LARS2: variants seen among roughly 807,000 people sequenced by gnomAD.
LARS2 encodes leucine--tRNA ligase, mitochondrial.
Under a neutral mutation model 116.6 loss-of-function variants are expected in LARS2, and 81 were observed. That is an observed-to-expected ratio of 0.69 (90% confidence interval 0.58 to 0.84). The LOEUF is 0.84. LARS2 is among the 40% of genes least tolerant of loss of function. LARS2 has a pLI of 0.00. For missense variants in LARS2, 968 were observed against 1,114.5 expected, an observed-to-expected ratio of 0.87 and a Z score of 1.87; for synonymous variants, 396 against 407.2, an observed-to-expected ratio of 0.97 and a Z score of 0.33.
chr3:45,416,680 C>T (rs1698427184), intron 4 of LARS2, among the ~76,000 whole-genome samples: 1 of 152,216 alleles, frequency 6.6e-6, no homozygotes, highest in Non-Finnish European at 1.5e-5. Flanking sequence ...GCTAGTGAGA[C>T]TGAAGAACTG....
chr3:45,544,893 C>T (rs887294956), intron 21 of LARS2, among the ~76,000 whole-genome samples: 2 of 152,116 alleles, frequency 1.3e-5, no homozygotes, highest in Admixed American at 6.5e-5. Context: ...CACAGAGACC[C>T]GGGCTGAGCC....
At chr3:45,433,840 C>T (rs549217745) in intron 6 of LARS2, among the ~76,000 whole-genome samples, 4 of 152,134 alleles carry the variant, frequency 2.6e-5, no homozygotes, top group East Asian at 1.9e-4. Context: ...ATTTCCCCTT[C>T]GTTTCTGAAG....
chr3:45,444,993 T>A (rs1241044943), intron 6 of LARS2, among the ~76,000 whole-genome samples: 1 of 152,290 alleles, frequency 6.6e-6, no homozygotes, highest in Admixed American at 6.5e-5. Flanking sequence ...GGGTAAAGAT[T>A]TTTTAAAAAT....
At chr3:45,494,823 T>C (rs2125735477) in intron 13 of LARS2, among the ~76,000 whole-genome samples, 1 of 152,332 alleles carries the variant, frequency 6.6e-6, no homozygotes, top group East Asian at 1.9e-4. Context: ...ATCCCAGCAC[T>C]TTGGGAGGCT....
At chr3:45,545,267 A>G (rs1217904231) in intron 21 of LARS2, among the ~76,000 whole-genome samples, 1 of 152,216 alleles carries the variant, frequency 6.6e-6, no homozygotes, top group Non-Finnish European at 1.5e-5. Flanking sequence ...TACCCTCATG[A>G]TGGGGACAGG....
chr3:45,397,298 A>G (rs1404231818), intron 3 of LARS2, among the ~76,000 whole-genome samples: 6 of 152,218 alleles, frequency 3.9e-5, no homozygotes, highest in Admixed American at 1.3e-4. Flanking sequence ...TCATTGTCAC[A>G]GAGGAAAATG....
At chr3:45,460,821 G>A (rs1699310001) in intron 8 of LARS2, among the ~76,000 whole-genome samples, 2 of 152,068 alleles carry the variant, frequency 1.3e-5, no homozygotes, top group Non-Finnish European at 2.9e-5. Flanking sequence ...TATTAGAGTA[G>A]GGATGACACC....
intron 13 of LARS2, among the ~76,000 whole-genome samples, chr3:45,495,692 C>T (rs912082056): frequency 6.6e-6 from 1 of 152,174 alleles, no homozygotes; most frequent in African/African-American, 2.4e-5. Flanking sequence ...CCTGTCTTGT[C>T]CTTTTGGATG....
chr3:45,438,061 G>A (rs1698835597), intron 6 of LARS2, among the ~76,000 whole-genome samples: 1 of 152,156 alleles, frequency 6.6e-6, no homozygotes, highest in Non-Finnish European at 1.5e-5. Flanking sequence ...CCCACATTTG[G>A]TAATAACTAC....
intron 7 of LARS2, among the ~76,000 whole-genome samples, chr3:45,449,556 T>C (rs1699079231): frequency 6.6e-6 from 1 of 152,176 alleles, no homozygotes; most frequent in African/African-American, 2.4e-5. Context: ...CCTCATGACC[T>C]AATCACCTCT....
intron 10 of LARS2, among the ~76,000 whole-genome samples, chr3:45,479,448 G>T (rs1243955423): frequency 6.6e-6 from 1 of 152,160 alleles, no homozygotes; most frequent in African/African-American, 2.4e-5. Flanking sequence ...GGAGGGAACA[G>T]GTCTGAGAAG....
chr3:45,548,973 A>G lies in LARS2; in HGVS notation c.*1443A>G, dbSNP rs1700911213. 6.6e-6 allele frequency: 1 copy of G among 152,192 alleles called. No homozygotes were observed. Among genetic ancestry groups the G allele is most frequent in the South Asian group, 2.1e-4 (1 of 4,826 alleles). The allele number at this position is 152,192 out of a possible 1,614,324, so 9.4% of individuals were successfully genotyped here. On this transcript the variant is annotated 3_prime_UTR_variant, in exon 22 of 22. Coordinates refer to ENST00000645846, the MANE Select transcript of LARS2 (RefSeq NM_015340.4). ...TCCACATGGAATGCTATAAAGTGGG[A>G]TACATGTGGTTCTTCTTGTTCCAGA...
chr3:45,541,962 T>C lies in LARS2; in HGVS notation c.2532+6T>C, dbSNP rs1378570212. On this transcript the variant is annotated splice_donor_region_variant and intron_variant, in intron 21 of 21. Transcript: ENST00000645846. Reference sequence around the variant, plus strand: ...TTGTCCAGATGGCAGTTCTGGTAAGTATCTCCCCTCAACCCCAGAACCCAG... The same window carrying C: ...TTGTCCAGATGGCAGTTCTGGTAAGCATCTCCCCTCAACCCCAGAACCCAG... 6.2e-7 allele frequency: 1 copy of C among 1,614,096 alleles called. No individual in the cohort carries two copies. The highest frequency in any genetic ancestry group is 2.2e-5 in the East Asian group (1 of 44,886).
chr3:45,398,749 G>A (rs1013786640), intron 3 of LARS2, among the ~76,000 whole-genome samples: 4 of 152,176 alleles, frequency 2.6e-5, no homozygotes, highest in Admixed American at 2.6e-4. Flanking sequence ...GGCTTTTGGA[G>A]CACAAAGGCC....
At chr3:45,454,188 C>G (rs548875678) in intron 7 of LARS2, among the ~76,000 whole-genome samples, 25 of 152,260 alleles carry the variant, frequency 1.6e-4, no homozygotes, top group Admixed American at 5.2e-4. Flanking sequence ...AGAATACTGC[C>G]CACATGATCC....
intron 4 of LARS2, among the ~76,000 whole-genome samples, chr3:45,415,025 G>A (rs1204977865): frequency 6.6e-6 from 1 of 151,560 alleles, no homozygotes; most frequent in Non-Finnish European, 1.5e-5. Context: ...CAGCAGATGT[G>A]TCAAACCATT....
At position 45,547,813 on chromosome 3, in the gene LARS2, A is replaced by G. The variant is rs1446811459; in HGVS notation, c.*283A>G. ...CACTGCAGGTAGAGGAGGCCATCTG[A>G]TCCCATGGGAAGCCATCAGAGACAC... is the stretch of plus-strand genomic sequence containing the variant. On this transcript the variant is annotated 3_prime_UTR_variant, in exon 22 of 22. Coordinates refer to ENST00000645846, the MANE Select transcript of LARS2 (RefSeq NM_015340.4). The G allele has an allele frequency of 6.4e-6, 2 of 314,326 alleles. No individual in the cohort carries two copies. Among genetic ancestry groups the G allele is most frequent in the Admixed American group, 5.0e-5 (1 of 20,120 alleles). 19.5% of individuals were successfully genotyped at this position (314,326 alleles called of 1,614,324 possible).
intron 20 of LARS2, among the ~76,000 whole-genome samples, chr3:45,536,128 T>C (rs1229901248): frequency 7.1e-6 from 1 of 140,254 alleles, no homozygotes; most frequent in Non-Finnish European, 1.5e-5. Flanking sequence ...TATTTTTATT[T>C]GTTTATTTTT....
intron 16 of LARS2, among the ~76,000 whole-genome samples, chr3:45,514,961 T>TG (rs1700350718): frequency 6.6e-6 from 1 of 152,194 alleles, no homozygotes; most frequent in Admixed American, 6.5e-5. Context: ...TGGGTGAGAA[T>TG]ACTTTGATCA....
Sources: allele counts gnomAD v4.1 joint callset (sites outside exome capture counted in the v4.1 genomes callset), GRCh38; gene constraint gnomAD v4.1.1; transcripts MANE v1.5; gene names NCBI Gene and HGNC (gene_info 2026-07-23, HGNC 2026-07-21).